The following PPP2R2D variants were observed in gnomAD, a reference collection of about 807,000 sequenced individuals.
PPP2R2D encodes protein phosphatase 2 regulatory subunit Bdelta.
A neutral mutation model predicts 31.1 loss-of-function variants in PPP2R2D; 9 were observed. The ratio of observed to expected loss-of-function variants is 0.29; its 90% CI spans 0.17 to 0.51. The LOEUF (loss-of-function observed/expected upper bound fraction) is 0.51. PPP2R2D is among the 20% of genes least tolerant of loss of function. The pLI is 0.98. For missense variants in PPP2R2D, 391 were observed against 465.6 expected (o/e 0.84, Z 1.48); for synonymous variants, 179 against 172.6 (o/e 1.04, Z -0.29).
rs1309824555 is a variant in PPP2R2D at position 131,940,598 on chromosome 10, A to C, written c.381A>C (p.Leu127Phe). 3.9e-6 allele frequency: 3 copies of C among 766,440 alleles called. No individual in the cohort carries two copies. The highest frequency in any genetic ancestry group is 7.3e-6 in the Non-Finnish European group (3 of 411,250). 47.5% of individuals were successfully genotyped at this position (766,440 alleles called of 1,614,324 possible). Residue 127 changes from leucine (L) to phenylalanine (F), a missense_variant, in exon 5 of 9, where the codon TTA becomes TTC. Physicochemically the swap from Leu to Phe is conservative, Grantham distance 22 (BLOSUM62 0). Around this residue, in one of 3 missense-constraint regions of PPP2R2D, gnomAD observed 105 missense variants for 98.5 expected, o/e 1.07. Transcript: ENST00000455566. Reference protein sequence around the residue: ...LLSTNDKTIKLWKISERDKRA... With the variant: ...LLSTNDKTIKFWKISERDKRA... ...TATTTTCAGATAAAACTATAAAATT[A>C]TGGAAAATAAGTGAACGGGATAAAA...
At chr10:131,969,448 G>C in the PPP2R2D span, 1 of 152,198 alleles carries the variant, frequency 6.6e-6, no homozygotes, top group Non-Finnish European at 1.5e-5. Context: ...CAGTCTGTAG[G>C]TCTGACTCCC....
At chr10:131,938,104 G>A (rs368675954) in intron 3 of PPP2R2D, among the ~76,000 whole-genome samples, 7 of 151,506 alleles carry the variant, frequency 4.6e-5, no homozygotes, top group Admixed American at 2.0e-4. Context: ...CAGGCGAGGC[G>A]CTCAGCTTCT....
downstream of PPP2R2D, among the ~76,000 whole-genome samples, chr10:131,961,753 C>T (rs528779425): frequency 4.3e-4 from 66 of 152,272 alleles, no homozygotes; most frequent in East Asian, 0.011. Flanking sequence ...AAGGGCACAG[C>T]GGCTGCGACT....
rs1053927996 is a variant in PPP2R2D at position 131,945,546 on chromosome 10, G to A, written c.820+87G>A. The A allele has an allele frequency of 2.3e-5, 33 of 1,457,886 alleles. No homozygotes were observed. Among genetic ancestry groups the A allele is most frequent in the East Asian group, 4.7e-5 (2 of 42,120 alleles). The allele number at this position is 1,457,886 out of a possible 1,614,324, so 90.3% of individuals were successfully genotyped here. ...ACAGTCTCGGCTCACGGCAAGCTCC[G>A]CCTCCCGGGTTCCAGCAAGTCTTCT... is the stretch of plus-strand genomic sequence containing the variant. On this transcript the variant is annotated intron_variant, in intron 7 of 8. Coordinates refer to ENST00000455566, the MANE Select transcript of PPP2R2D (RefSeq NM_018461.5). The surrounding 1 kb of genome is among the most constrained non-coding windows in gnomAD (Gnocchi z 4.8).
chr10:131,962,709 C>G (rs1554901635), downstream of PPP2R2D, among the ~76,000 whole-genome samples: 1 of 152,198 alleles, frequency 6.6e-6, no homozygotes, highest in Admixed American at 6.5e-5. Flanking sequence ...CAGGGGCTGC[C>G]TGCACTGGGC....
At chr10:131,968,578 A>C in the PPP2R2D span, 2 of 1,589,698 alleles carry the variant, frequency 1.3e-6, no homozygotes, top group African/African-American at 1.3e-5. Context: ...TCCTTCACAG[A>C]AAAATTATCA....
intron 8 of PPP2R2D, among the ~76,000 whole-genome samples, chr10:131,948,981 T>A (rs2036593270): frequency 6.6e-6 from 1 of 152,088 alleles, no homozygotes; most frequent in South Asian, 2.1e-4. Context: ...GTTTGCAGTT[T>A]GGGTTTGTGC....
At chr10:131,931,188 G>A (rs768155685) in intron 2 of PPP2R2D, among the ~76,000 whole-genome samples, 3 of 152,160 alleles carry the variant, frequency 2.0e-5, no homozygotes, top group African/African-American at 4.8e-5. Flanking sequence ...GCCTGGCTAC[G>A]TTAGTACAGG....
chr10:131,964,902 C>G, the PPP2R2D span, among the ~76,000 whole-genome samples: 1 of 152,192 alleles, frequency 6.6e-6, no homozygotes, highest in East Asian at 1.9e-4. Flanking sequence ...AAGCTGCACT[C>G]CTTCCACCCT....
intron 2 of PPP2R2D, among the ~76,000 whole-genome samples, chr10:131,902,103 C>T (rs1028066760): frequency 1.3e-5 from 2 of 152,114 alleles, no homozygotes; most frequent in African/African-American, 4.8e-5. Flanking sequence ...TTACCTGTCA[C>T]CTTAAAGTTA....
chr10:131,923,021 A>G (rs555101400), intron 2 of PPP2R2D, among the ~76,000 whole-genome samples: 9 of 152,294 alleles, frequency 5.9e-5, no homozygotes, highest in African/African-American at 2.2e-4. Context: ...GCTGTAATTC[A>G]TTGAGCACAG....
At chr10:131,919,894 C>A (rs1554893986) in intron 2 of PPP2R2D, among the ~76,000 whole-genome samples, 1 of 143,084 alleles carries the variant, frequency 7.0e-6, no homozygotes, top group Non-Finnish European at 1.5e-5. Flanking sequence ...TGGGATGACG[C>A]AGTGTAGGGA....
intron 2 of PPP2R2D, among the ~76,000 whole-genome samples, chr10:131,908,860 G>C (rs2035640151): frequency 6.6e-6 from 1 of 152,166 alleles, no homozygotes; most frequent in Non-Finnish European, 1.5e-5. Flanking sequence ...GGTAATGCAG[G>C]GGCCAGCTTT....
chr10:131,912,634 A>C (rs2035703218), intron 2 of PPP2R2D: 1 of 152,238 alleles, frequency 6.6e-6, no homozygotes, highest in Non-Finnish European at 1.5e-5. Context: ...CATACACATG[A>C]GACGATCAAG....
intron 2 of PPP2R2D, among the ~76,000 whole-genome samples, chr10:131,929,891 T>C (rs1355119761): frequency 6.6e-6 from 1 of 152,158 alleles, no homozygotes; most frequent in Non-Finnish European, 1.5e-5. Flanking sequence ...CCTCCTCTCT[T>C]GCCACCTGAG....
chr10:131,964,249 T>C (rs2036953262), downstream of PPP2R2D, among the ~76,000 whole-genome samples: 1 of 152,182 alleles, frequency 6.6e-6, no homozygotes, highest in Admixed American at 6.5e-5. Context: ...ACAATGAGAA[T>C]ATCCTCTCAA....
At chr10:131,933,191 C>T (rs1311019757) in intron 2 of PPP2R2D, among the ~76,000 whole-genome samples, 1 of 152,172 alleles carries the variant, frequency 6.6e-6, no homozygotes, top group African/African-American at 2.4e-5. Context: ...GTGAGGCCAG[C>T]GAACAGTGCC....
In PPP2R2D at chr10:131,957,188, G is replaced by C. The variant is rs547811121; in HGVS notation, c.*1225G>C. ...GGGCTCCCGTGCCCCTGTGGAGATG[G>C]AGGTGTGTGCTGATCCCCCGTCCGC... is the stretch of plus-strand genomic sequence containing the variant. On this transcript the variant is annotated 3_prime_UTR_variant, in exon 9 of 9. Transcript: ENST00000455566. 16 of 166,620 alleles carry C rather than the reference G, an allele frequency of 9.6e-5. No homozygotes were observed. Among genetic ancestry groups the C allele is most frequent in the Non-Finnish European group, 1.0e-4 (8 of 77,030 alleles). 10.3% of individuals were successfully genotyped at this position (166,620 alleles called of 1,614,324 possible).
intron 3 of PPP2R2D, 50 bp downstream of exon 3, chr10:131,934,605 A>G (rs1554896199): frequency 7.9e-6 from 6 of 760,878 alleles, no homozygotes; most frequent in Non-Finnish European, 1.2e-5. Context: ...AACCTTTCGC[A>G]TATAACTTAG....
Sources: gnomAD v4.1 joint callset for allele counts (sites outside exome capture counted in the v4.1 genomes callset) on GRCh38, gnomAD v4.1.1 for gene constraint, gnomAD v4.1.1 regional missense constraint, Gnocchi (gnomAD v3.1) non-coding constraint, MANE v1.5 for transcripts, NCBI Gene and HGNC (gene_info 2026-07-23, HGNC 2026-07-21) for gene names.